The following CHPF variants were observed in gnomAD, a reference collection of about 807,000 sequenced individuals.
The protein encoded by CHPF is chondroitin polymerizing factor, also known as chondroitin polymerizing factor, non-catalytic subunit.
A neutral mutation model predicts 55.1 loss-of-function variants in CHPF; 34 were observed. That is an observed-to-expected ratio of 0.62 (90% CI 0.47 to 0.82). CHPF has a LOEUF of 0.82. Among genes scored for constraint, CHPF ranks in the 40% least tolerant of loss-of-function variants. The probability of loss-of-function intolerance (pLI) is 0.00; values close to 1 mark genes in which losing one functional copy is unlikely to be tolerated. For synonymous variants in CHPF, 489 were observed against 496.6 expected, an observed-to-expected ratio of 0.98 and a Z score of 0.20; for missense variants, 961 against 1,106.1, an observed-to-expected ratio of 0.87 and a Z score of 1.86.
At position 219,541,835 on chromosome 2, in the gene CHPF, G is replaced by T; in HGVS notation, c.669C>A (p.His223Gln). Residue 223 changes from histidine to glutamine, a missense_variant, in exon 2 of 4, where the codon CAC (histidine) becomes CAA (glutamine). Around this residue, in one of 3 missense-constraint regions of CHPF, gnomAD observed 936 missense variants for 1,058.4 expected, o/e 0.88. Coordinates refer to ENST00000243776, the MANE Select transcript of CHPF (RefSeq NM_024536.6). ...AGTCCTGGGGCCGGCCCAGGTACAG[G>T]TGGGCGGCGGAGGCCAGGCTGAGGT... ...TGHLSLASAA[H>Q]LYLGRPQDFI... The T allele has an allele frequency of 6.2e-7, 1 of 1,609,670 alleles. No individual in the cohort carries two copies. Among genetic ancestry groups the T allele is most frequent in the Non-Finnish European group, 8.5e-7 (1 of 1,178,178 alleles).
chr2:219,543,342 T>C lies in CHPF; in HGVS notation c.197A>G (p.Gln66Arg). ...GGGCTTCTCGCGCTCCGCTCCGGGC[T>C]GCACCGAGTTGGGCCGGCGCGCCGC... ...TNAARRPNSV[Q>R]PGAEREKPGA... Residue 66 changes from glutamine (Q) to arginine (R), a missense_variant, in exon 1 of 4, where the codon CAG becomes CGG. This residue lies in a region of CHPF where 936 missense variants were observed against 1,058.4 expected (regional missense o/e 0.88). Coordinates refer to ENST00000243776, the MANE Select transcript of CHPF (RefSeq NM_024536.6). 6.4e-7 allele frequency: 1 copy of C among 1,568,000 alleles called. No individual in the cohort carries two copies. Among genetic ancestry groups the C allele is most frequent in the Non-Finnish European group, 8.6e-7 (1 of 1,167,080 alleles).
At chr2:219,541,566 G>T in intron 2 of CHPF, 50 bp downstream of exon 2, 2 of 1,417,794 alleles carry the variant, frequency 1.4e-6, no homozygotes, top group East Asian at 2.5e-5. Flanking sequence ...GCCTCTCAGA[G>T]GGATTTGAAC....
chr2:219,539,108 T>C lies in CHPF; in HGVS notation c.*275A>G, dbSNP rs1318818011. The C allele has an allele frequency of 4.6e-6, 2 of 436,240 alleles. No homozygotes were observed. The highest frequency in any genetic ancestry group is 7.3e-5 in the East Asian group (2 of 27,406). The allele number at this position is 436,240 out of a possible 1,614,324, so 27.0% of individuals were successfully genotyped here. A position where few individuals can be genotyped will look rare whatever the true frequency, so the allele number is the denominator to read the frequency against. On this transcript the variant is annotated 3_prime_UTR_variant, in exon 4 of 4. Coordinates refer to ENST00000243776, the MANE Select transcript of CHPF (RefSeq NM_024536.6). ...GAGGCAGGGCTGGCGTCAGGCAGACTGTACTGCATAAATACGTGGAGGCCA... is the reference window on the plus strand; with the variant it reads ...GAGGCAGGGCTGGCGTCAGGCAGACCGTACTGCATAAATACGTGGAGGCCA...
Position 219,541,764 on chromosome 2 carries a change from A to G in CHPF, c.740T>C (p.Phe247Ser), listed in dbSNP as rs1237040044. ...CAGCATGCGCGACAGCAGCACCCCA[A>G]AGCCTCCGTGGCAGTAGCGGCCGGG... ...PTPGRYCHGGFGVLLSRMLLQ... is the reference protein window; with the variant it reads ...PTPGRYCHGGSGVLLSRMLLQ... Residue 247 changes from phenylalanine to serine, a missense_variant, in exon 2 of 4, where the codon TTT becomes TCT. Coordinates refer to ENST00000243776, the MANE Select transcript of CHPF (RefSeq NM_024536.6). 6.2e-7 allele frequency: 1 copy of G among 1,610,296 alleles called. No homozygotes were observed. The highest frequency in any genetic ancestry group is 2.2e-5 in the East Asian group (1 of 44,722).
chr2:219,543,204 G>A, intron 1 of CHPF, 21 bp downstream of exon 1: 1 of 1,495,164 alleles, frequency 6.7e-7, no homozygotes, highest in Non-Finnish European at 8.8e-7. Flanking sequence ...AGGGGGTAGA[G>A]CGGGCGCAGC....
chr2:219,540,533 C>A lies in CHPF; in HGVS notation c.1178G>T (p.Arg393Leu), dbSNP rs372457597. The A allele has an allele frequency of 1.9e-6, 3 of 1,613,906 alleles. No homozygotes were observed. The highest frequency in any genetic ancestry group is 2.5e-6 in the Non-Finnish European group (3 of 1,180,010). ...GTGCTGCTCCGTGAAGTAGTCCCAG[C>A]GCAGCACCTCAAAGCGGGAGGCCGG... ...SRPASRFEVL[R>L]WDYFTEQHAF... Residue 393 changes from arginine (R) to leucine (L), a missense_variant, in exon 4 of 4, where the codon CGC becomes CTC. Arg to Leu is a moderately radical substitution (Grantham distance 102). Transcript: ENST00000243776.
At position 219,541,684 on chromosome 2, in the gene CHPF, G is replaced by A. The variant is rs780048663; in HGVS notation, c.820C>T (p.Arg274Cys). 3 of 1,610,876 alleles carry A rather than the reference G, an allele frequency of 1.9e-6. No individual in the cohort carries two copies. Among genetic ancestry groups the A allele is most frequent in the South Asian group, 1.1e-5 (1 of 90,720 alleles). Reference protein sequence around the residue: ...EGCRNDIVSARPDEWLGRCIL... With the variant: ...EGCRNDIVSACPDEWLGRCIL... The stretch of plus-strand genomic sequence containing the variant: ...CAGCGACCCAGCCACTCGTCAGGGC[G>A]CGCACTGACGATGTCGTTGCGGCAG... The change falls in exon 2 of 4, where the codon CGC becomes TGC. Residue 274 changes from arginine to cysteine, a missense_variant. Physicochemically the swap from Arg to Cys is radical, Grantham distance 180. Around this residue, in one of 3 missense-constraint regions of CHPF, gnomAD observed 936 missense variants for 1,058.4 expected, o/e 0.88. Coordinates refer to ENST00000243776, the MANE Select transcript of CHPF (RefSeq NM_024536.6).
chr2:219,543,699 C>T lies in CHPF; in HGVS notation c.-161G>A, dbSNP rs1049625279. 11 of 475,346 alleles carry T rather than the reference C, an allele frequency of 2.3e-5. No individual in the cohort carries two copies. In the East Asian group the frequency reaches 2.5e-4, roughly 11 times the overall value. 29.4% of individuals were successfully genotyped at this position (475,346 alleles called of 1,614,324 possible). A position where few individuals can be genotyped will look rare whatever the true frequency, so the allele number is the denominator to read the frequency against. ...GCAGAGCCAGCGGCCCGAGCCGAAT[C>T]CCCGGAGCCGCGCCTCGATTCCCCT... On this transcript the variant is annotated 5_prime_UTR_variant, in exon 1 of 4. Transcript: ENST00000243776.
rs1695228605 is a variant in CHPF at position 219,539,937 on chromosome 2, GTGCGGC to G, written c.1768_1773del (p.Ala590_Ala591del). The stretch of plus-strand genomic sequence containing the variant: ...AGATCCATGAGGCGCAGTGGTGAGG[GTGCGGC>G]TGTCTGCACACTGAGCCATGGCACC... On this transcript the variant is annotated inframe_deletion, in exon 4 of 4. Transcript: ENST00000243776. The G allele has an allele frequency of 6.2e-7, 1 of 1,613,666 alleles. No individual in the cohort carries two copies. The highest frequency in any genetic ancestry group is 8.5e-7 in the Non-Finnish European group (1 of 1,179,968).
chr2:219,541,159 C>G (rs775437232), intron 2 of CHPF, 34 bp from the exon 3 acceptor site: 25 of 1,538,478 alleles, frequency 1.6e-5, no homozygotes, highest in Non-Finnish European at 2.2e-5. Flanking sequence ...CTGTGATGAG[C>G]TGGCATTGTC....
Position 219,539,519 on chromosome 2 carries a change from T to G in CHPF, c.2192A>C (p.Tyr731Ser). 1 of 1,613,734 alleles carries G rather than the reference T, an allele frequency of 6.2e-7. No homozygotes were observed. Among genetic ancestry groups the G allele is most frequent in the Non-Finnish European group, 8.5e-7 (1 of 1,179,908 alleles). The change falls in exon 4 of 4, where the codon TAC becomes TCC. Residue 731 changes from tyrosine (Y) to serine (S), a missense_variant. Transcript: ENST00000243776. ...RAVEPALLQR[Y>S]RAQTCSARLS... ...CCTCGCGCTGCACGTCTGGGCCCGG[T>G]AGCGCTGCAGCAGCGCCGGCTCCAC... is the stretch of plus-strand genomic sequence containing the variant.
chr2:219,541,224 C>T (rs992002322), intron 2 of CHPF, 99 bp from the exon 3 acceptor site: 3 of 1,190,054 alleles, frequency 2.5e-6, no homozygotes, highest in Admixed American at 3.3e-5. Flanking sequence ...CTGTTGTGGA[C>T]TTGCAGTCTG....
At position 219,539,205 on chromosome 2, in the gene CHPF, C is replaced by T. The variant is rs1320378907; in HGVS notation, c.*178G>A. 7 of 617,698 alleles carry T rather than the reference C, an allele frequency of 1.1e-5. No individual in the cohort carries two copies. Among genetic ancestry groups the T allele is most frequent in the East Asian group, 5.6e-5 (2 of 35,526 alleles). 38.3% of individuals were successfully genotyped at this position (617,698 alleles called of 1,614,324 possible). A position where few individuals can be genotyped will look rare whatever the true frequency, so the allele number is the denominator to read the frequency against. The stretch of plus-strand genomic sequence containing the variant: ...TGAGAAGTGGGTGGCTCTGGGGGCA[C>T]GTCCCCCAGTGCTTGTCCAGAGCCC... On this transcript the variant is annotated 3_prime_UTR_variant, in exon 4 of 4. Transcript: ENST00000243776.
chr2:219,539,123 C>T lies in CHPF; in HGVS notation c.*260G>A, dbSNP rs1695203839. On this transcript the variant is annotated 3_prime_UTR_variant, in exon 4 of 4. Transcript: ENST00000243776. ...TCAGGCAGACTGTACTGCATAAATA[C>T]GTGGAGGCCACAGCCCGAATCAGCA... The T allele has an allele frequency of 2.0e-6, 1 of 512,644 alleles. No homozygotes were observed. Among genetic ancestry groups the T allele is most frequent in the Non-Finnish European group, 3.5e-6 (1 of 287,406 alleles). The allele number at this position is 512,644 out of a possible 1,614,324, so 31.8% of individuals were successfully genotyped here.
chr2:219,539,648 C>A lies in CHPF; in HGVS notation c.2063G>T (p.Arg688Leu). 6.2e-7 allele frequency: 1 copy of A among 1,613,454 alleles called. No individual in the cohort carries two copies. The highest frequency in any genetic ancestry group is 8.5e-7 in the Non-Finnish European group (1 of 1,179,972). The change falls in exon 4 of 4, where the codon CGT becomes CTT. Residue 688 changes from arginine (R) to leucine (L), a missense_variant. By Grantham distance (102) the Arg-to-Leu change is moderately radical. Transcript: ENST00000243776. ...CFYNSDYVAARGRLAAASEQE... is the reference protein window; with the variant it reads ...CFYNSDYVAALGRLAAASEQE... ...TTCTGAGGCTGCCGCCAGGCGCCCA[C>A]GGGCTGCCACATAGTCGGAGTTGTA...
Position 219,543,214 on chromosome 2 carries a change from C to A in CHPF, c.314+11G>T. 6.6e-7 allele frequency: 1 copy of A among 1,519,708 alleles called. No individual in the cohort carries two copies. Among genetic ancestry groups the A allele is most frequent in the Admixed American group, 2.1e-5 (1 of 47,290 alleles). 94.1% of individuals were successfully genotyped at this position (1,519,708 alleles called of 1,614,324 possible). ...TGCCCAGGGGGTAGAGCGGGCGCAG[C>A]CGATCACTACCTGACGGCCTTTTTG... On this transcript the variant is annotated intron_variant, in intron 1 of 3. Transcript: ENST00000243776.
intron 3 of CHPF, 99 bp from the exon 4 acceptor site, chr2:219,540,741 C>A (rs1695253520): frequency 7.6e-7 from 1 of 1,320,698 alleles, no homozygotes. Flanking sequence ...AGGATGGGCC[C>A]CTCATCCCCT....
At chr2:219,541,254 A>T (rs760565101) in intron 2 of CHPF, 129 bp from the exon 3 acceptor site, 1 of 902,258 alleles carries the variant, frequency 1.1e-6, no homozygotes, top group South Asian at 2.0e-5. Flanking sequence ...GTCTACCTTG[A>T]CCAGTTGTGA....
rs567212015 is a variant in CHPF at position 219,542,217 on chromosome 2, C to G, written c.315-28G>C. ...AGGGGAGGAGATGGCACAAGCTTAT[C>G]AAAAGGACAACGGGGCGGGGGGTGG... On this transcript the variant is annotated intron_variant, in intron 1 of 3. Coordinates refer to ENST00000243776, the MANE Select transcript of CHPF (RefSeq NM_024536.6). The G allele has an allele frequency of 2.7e-4, 299 of 1,092,606 alleles. 1 individual carries two copies. Among genetic ancestry groups the G allele is most frequent in the South Asian group, 2.6e-3 (61 of 23,866 alleles). 67.7% of individuals were successfully genotyped at this position (1,092,606 alleles called of 1,614,324 possible). A position where few individuals can be genotyped will look rare whatever the true frequency, so the allele number is the denominator to read the frequency against.
Sources: allele counts gnomAD v4.1 joint callset, GRCh38; gene constraint gnomAD v4.1.1; regional missense constraint gnomAD v4.1.1; transcripts MANE v1.5; gene names NCBI Gene and HGNC (gene_info 2026-07-23, HGNC 2026-07-21).